Variants in GLYR1 observed in about 807,000 individuals in gnomAD.
GLYR1 encodes the protein glyoxylate reductase 1 homolog, also known as cytokine-like nuclear factor N-PAC.
Under a neutral mutation model 72.7 loss-of-function variants are expected in GLYR1, and 21 were observed. The ratio of observed to expected loss-of-function variants is 0.29; its 90% CI spans 0.20 to 0.42. GLYR1 has a LOEUF of 0.42. GLYR1 is among the 10% of genes least tolerant of loss of function. The pLI, the probability that GLYR1 is intolerant of heterozygous loss-of-function variation, is 1.00. For missense variants in GLYR1, 594 were observed against 712.1 expected (o/e 0.83, Z 1.89); for synonymous variants, 392 against 270.2 (o/e 1.45, Z -4.42).
intron 5 of GLYR1, 43 bp from the exon 6 acceptor site, chr16:4,823,950 C>A: frequency 2.7e-6 from 4 of 1,475,478 alleles, no homozygotes; most frequent in South Asian, 1.1e-5. Flanking sequence ...ACATTCAAAC[C>A]CCAACAAAAC....
At chr16:4,810,159 G>A (rs559623713) in intron 15 of GLYR1, among the ~76,000 whole-genome samples, 2 of 152,118 alleles carry the variant, frequency 1.3e-5, no homozygotes, top group African/African-American at 4.8e-5. Flanking sequence ...AAAGAAAGCA[G>A]GATTAAAATA....
In GLYR1 at chr16:4,803,455, G is replaced by C. The variant is rs1596284187; in HGVS notation, c.*1781C>G. On this transcript the variant is annotated 3_prime_UTR_variant, in exon 16 of 16. Coordinates refer to ENST00000321919, the MANE Select transcript of GLYR1 (RefSeq NM_032569.4). ...TCACATTTTCTCCTTAAAAGGGAAG[G>C]ATTTCAAAAGAAAGGTGAAATAGCT... The C allele has an allele frequency of 6.5e-6, 1 of 152,730 alleles. No homozygotes were observed. The highest frequency in any genetic ancestry group is 2.4e-5 in the African/African-American group (1 of 41,552). 9.5% of individuals were successfully genotyped at this position (152,730 alleles called of 1,614,324 possible).
intron 9 of GLYR1, among the ~76,000 whole-genome samples, chr16:4,819,807 T>C (rs373054214): frequency 2.0e-4 from 31 of 152,170 alleles, no homozygotes; most frequent in African/African-American, 6.3e-4. Flanking sequence ...ATGTTGAAAA[T>C]GGAACCCACC....
intron 15 of GLYR1, among the ~76,000 whole-genome samples, chr16:4,806,569 T>C (rs2082989334): frequency 6.6e-6 from 1 of 151,644 alleles, no homozygotes; most frequent in African/African-American, 2.4e-5. Context: ...GGTCTTGCTA[T>C]GTTGCCCAGG....
chr16:4,846,933 C>G, intron 1 of GLYR1: 1 of 464,782 alleles, frequency 2.2e-6, no homozygotes, highest in Non-Finnish European at 3.8e-6. Context: ...GGAAGCCTCG[C>G]GGCACCGGCG....
intron 14 of GLYR1, 87 bp downstream of exon 14, chr16:4,811,536 G>A (rs943720141): frequency 2.0e-6 from 3 of 1,490,606 alleles, no homozygotes; most frequent in African/African-American, 2.8e-5. Context: ...CTGGGGAGGG[G>A]CATCTTTCAC....
intron 3 of GLYR1, among the ~76,000 whole-genome samples, chr16:4,844,671 G>A (rs1035755399): frequency 6.6e-5 from 10 of 152,220 alleles, no homozygotes; most frequent in Admixed American, 2.0e-4. Flanking sequence ...TGAGGTGAGA[G>A]AACCGCTTGA....
Position 4,832,396 on chromosome 16 carries a change from T to C in GLYR1, c.295-175A>G, listed in dbSNP as rs76704698. The C allele has an allele frequency of 6.5e-3, 4,939 of 757,646 alleles. 163 individuals are homozygous for C. In the African/African-American group the frequency reaches 0.076, roughly 12 times the overall value. The allele number at this position is 757,646 out of a possible 1,614,324, so 46.9% of individuals were successfully genotyped here. A position where few individuals can be genotyped will look rare whatever the true frequency, so the allele number is the denominator to read the frequency against. ...TTGGGAGAAGCAGATTTAAAAAATA[T>C]ATATATCAAAAGTCACTTTCCCTAT... is the stretch of plus-strand genomic sequence containing the variant. On this transcript the variant is annotated intron_variant, in intron 4 of 15. Transcript: ENST00000321919.
At chr16:4,837,473 T>G (rs1197266130) in intron 3 of GLYR1, among the ~76,000 whole-genome samples, 1 of 151,830 alleles carries the variant, frequency 6.6e-6, no homozygotes, top group Non-Finnish European at 1.5e-5. Flanking sequence ...TACTGTATAT[T>G]AAAGATGTCA....
chr16:4,819,599 C>A (rs1417254337), intron 9 of GLYR1, among the ~76,000 whole-genome samples: 1 of 152,192 alleles, frequency 6.6e-6, no homozygotes, highest in African/African-American at 2.4e-5. Context: ...GGATGAGCTA[C>A]TGCGCTTGGC....
chr16:4,820,844 G>A (rs1487011862), intron 9 of GLYR1, among the ~76,000 whole-genome samples: 1 of 152,180 alleles, frequency 6.6e-6, no homozygotes, highest in Non-Finnish European at 1.5e-5. Flanking sequence ...GTCCAGGATC[G>A]CCCCACCCAC....
chr16:4,831,308 G>A (rs183667880), intron 5 of GLYR1, among the ~76,000 whole-genome samples: 2 of 152,204 alleles, frequency 1.3e-5, no homozygotes, highest in Admixed American at 1.3e-4. Context: ...GTGACTACTG[G>A]TGCACACACG....
chr16:4,838,778 G>A (rs892232993), intron 3 of GLYR1, among the ~76,000 whole-genome samples: 1 of 151,956 alleles, frequency 6.6e-6, no homozygotes, highest in African/African-American at 2.4e-5. Context: ...TAGGAGAGAC[G>A]GGGTTTCACC....
chr16:4,828,511 C>T (rs563958085), intron 5 of GLYR1, among the ~76,000 whole-genome samples: 10 of 152,226 alleles, frequency 6.6e-5, no homozygotes, highest in South Asian at 2.1e-4. Flanking sequence ...GTATCTCCAA[C>T]GTATGCTACA....
intron 1 of GLYR1, 61 bp from the exon 2 acceptor site, chr16:4,846,271 C>T (rs1281649277): frequency 4.6e-6 from 7 of 1,536,884 alleles, no homozygotes; most frequent in Admixed American, 1.7e-5. Context: ...TCCTTCAACC[C>T]ACTCAATACG....
chr16:4,813,636 G>C (rs1596317178), intron 12 of GLYR1, 101 bp downstream of exon 12: 10 of 1,007,290 alleles, frequency 9.9e-6, no homozygotes, highest in Non-Finnish European at 1.4e-5. Context: ...TTCCCTCTCT[G>C]GCTTTGGCTC....
chr16:4,807,107 CTTTTTTTTTTT>C (rs765039360), intron 15 of GLYR1, among the ~76,000 whole-genome samples: 2 of 110,882 alleles, frequency 1.8e-5, no homozygotes, highest in African/African-American at 6.9e-5. Context: ...CGCCTGGCCC[CTTTTTTTTTTT>C]TTTTTTTTTT....
intron 3 of GLYR1, among the ~76,000 whole-genome samples, chr16:4,841,455 T>C (rs1232640136): frequency 5.2e-4 from 3 of 5,752 alleles, no homozygotes; most frequent in African/African-American, 7.1e-4. Flanking sequence ...AACTTGTCTC[T>C]ACAAAAAAAA....
At chr16:4,821,688 G>A in intron 7 of GLYR1, 91 bp from the exon 8 acceptor site, 3 of 1,178,876 alleles carry the variant, frequency 2.5e-6, no homozygotes, top group South Asian at 2.4e-5. Context: ...CCCAAAGTGG[G>A]AAGTTAACAT....
Sources: allele counts gnomAD v4.1 joint callset (sites outside exome capture counted in the v4.1 genomes callset), GRCh38; gene constraint gnomAD v4.1.1; transcripts MANE v1.5; gene names NCBI Gene and HGNC (gene_info 2026-07-23, HGNC 2026-07-21).